PRKG1: variants seen among roughly 807,000 people sequenced by gnomAD.
The protein encoded by PRKG1 is cGMP-dependent protein kinase 1.
A neutral mutation model predicts 88.1 loss-of-function variants in PRKG1; 35 were observed. The observed-to-expected ratio is 0.40, with a 90% CI of 0.30 to 0.53. The LOEUF (loss-of-function observed/expected upper bound fraction) is 0.53. Ranked by LOEUF, PRKG1 falls within the 20% of genes least tolerant of loss-of-function variation. The pLI is 0.59. For synonymous variants in PRKG1, 303 were observed against 292.5 expected, an observed-to-expected ratio of 1.04 and a Z score of -0.37; for missense variants, 540 against 839.8, an observed-to-expected ratio of 0.64 and a Z score of 4.41.
chr10:52,157,188 TA>T (rs1175739536), intron 8 of PRKG1, among the ~76,000 whole-genome samples: 3 of 149,808 alleles, frequency 2.0e-5, no homozygotes, highest in Admixed American at 6.7e-5. Flanking sequence ...TCATGAGAAT[TA>T]AATCAACTAA....
At chr10:51,186,229 C>T (rs945093522) in intron 2 of PRKG1, among the ~76,000 whole-genome samples, 2 of 151,572 alleles carry the variant, frequency 1.3e-5, no homozygotes, top group Non-Finnish European at 2.9e-5. Flanking sequence ...TTATATTTAT[C>T]ATTTTCTCTC....
At chr10:51,784,861 T>C (rs1564645705) in intron 3 of PRKG1, among the ~76,000 whole-genome samples, 1 of 152,150 alleles carries the variant, frequency 6.6e-6, no homozygotes, top group Non-Finnish European at 1.5e-5. Context: ...TTTTTGCCTC[T>C]CATCTTTCCT....
chr10:51,861,077 A>T (rs78015324), intron 4 of PRKG1, among the ~76,000 whole-genome samples: 41 of 148,366 alleles, frequency 2.8e-4, no homozygotes, highest in Non-Finnish European at 5.8e-4. Context: ...TTTATGAGAT[A>T]AAAAAAAAGT....
intron 7 of PRKG1, among the ~76,000 whole-genome samples, chr10:52,075,453 GAAAA>G (rs896269388): frequency 6.6e-6 from 1 of 151,978 alleles, no homozygotes; most frequent in Non-Finnish European, 1.5e-5. Context: ...GAACAATTTA[GAAAA>G]AAAGAAAGTT....
intron 3 of PRKG1, among the ~76,000 whole-genome samples, chr10:51,614,120 G>A (rs1279563094): frequency 6.6e-6 from 1 of 151,752 alleles, no homozygotes; most frequent in Non-Finnish European, 1.5e-5. Context: ...CTGTATTAGA[G>A]TCTCTTTCTT....
chr10:51,486,253 C>T (rs1346734655), intron 3 of PRKG1, among the ~76,000 whole-genome samples: 1 of 152,048 alleles, frequency 6.6e-6, no homozygotes, highest in Admixed American at 6.6e-5. Flanking sequence ...CCCCCTTTCC[C>T]CCATCCCCTG....
Position 51,032,468 on chromosome 10 carries a change from T to C in PRKG1, c.266+40824T>C, listed in dbSNP as rs144725556. On this transcript the variant is annotated intron_variant, in intron 1 of 17. Coordinates refer to the PRKG1 transcript ENST00000401604. Reference sequence around the variant, plus strand: ...ATGTGTTCAATGTAATATACAAATATTATTTTGGTGCCAGCCATGGTGGCT... The same window carrying C: ...ATGTGTTCAATGTAATATACAAATACTATTTTGGTGCCAGCCATGGTGGCT... Among the ~76,000 whole-genome samples, 370 of 152,212 alleles carry C rather than the reference T, an allele frequency of 2.4e-3. 2 individuals are homozygous for C. Among genetic ancestry groups the C allele is most frequent in the African/African-American group, 8.7e-3 (361 of 41,524 alleles).
chr10:51,279,658 T>C (rs1324169286), intron 2 of PRKG1, among the ~76,000 whole-genome samples: 1 of 152,230 alleles, frequency 6.6e-6, no homozygotes, highest in Non-Finnish European at 1.5e-5. Flanking sequence ...TTTTGATCTT[T>C]GTTGGTTTAC....
intron 7 of PRKG1, among the ~76,000 whole-genome samples, chr10:52,113,166 T>C (rs756920502): frequency 4.6e-5 from 7 of 152,240 alleles, no homozygotes; most frequent in Non-Finnish European, 8.8e-5. Context: ...GATCACTCAG[T>C]ACATATTACT....
intron 3 of PRKG1, among the ~76,000 whole-genome samples, chr10:51,487,123 A>G (rs1840569393): frequency 6.6e-6 from 1 of 152,174 alleles, no homozygotes; most frequent in Non-Finnish European, 1.5e-5. Flanking sequence ...CGTAAACCTT[A>G]TAAATACTGC....
chr10:51,185,019 T>C (rs1231086847), intron 2 of PRKG1, among the ~76,000 whole-genome samples: 1 of 152,186 alleles, frequency 6.6e-6, no homozygotes, highest in African/African-American at 2.4e-5. Context: ...ACAGCCACTA[T>C]CCTCTAAAAT....
chr10:51,107,883 A>G (rs1292809051), intron 1 of PRKG1, among the ~76,000 whole-genome samples: 1 of 151,898 alleles, frequency 6.6e-6, no homozygotes, highest in Non-Finnish European at 1.5e-5. Context: ...GAGAAGACAC[A>G]CAATATCAAT....
intron 5 of PRKG1, among the ~76,000 whole-genome samples, chr10:52,012,389 C>T (rs1443815724): frequency 6.6e-6 from 1 of 151,852 alleles, no homozygotes; most frequent in Non-Finnish European, 1.5e-5. Flanking sequence ...CTACAGGTGC[C>T]CACCACCACT....
intron 4 of PRKG1, among the ~76,000 whole-genome samples, chr10:51,827,048 G>A (rs1364534399): frequency 6.6e-6 from 1 of 152,116 alleles, no homozygotes; most frequent in Non-Finnish European, 1.5e-5. Context: ...GATGACTGAT[G>A]AATTATTTTA....
intron 4 of PRKG1, among the ~76,000 whole-genome samples, chr10:51,906,633 AGACCAAGGTTC>A (rs747098312): frequency 4.4e-4 from 67 of 152,154 alleles, no homozygotes; most frequent in Non-Finnish European, 8.1e-4. Context: ...GGGGTTGTGG[AGACCAAGGTTC>A]TTATTATGCA....
At chr10:51,840,057 A>G (rs1162688860) in intron 4 of PRKG1, among the ~76,000 whole-genome samples, 2 of 152,240 alleles carry the variant, frequency 1.3e-5, no homozygotes, top group Non-Finnish European at 2.9e-5. Flanking sequence ...TGCCAAATGC[A>G]GGTGGCAGAC....
intron 10 of PRKG1, among the ~76,000 whole-genome samples, chr10:52,268,481 T>G (rs1158808504): frequency 6.6e-6 from 1 of 152,000 alleles, no homozygotes; most frequent in Admixed American, 6.6e-5. Flanking sequence ...CCTAGGAAAA[T>G]GTCAGTGAGG....
At chr10:51,937,003 C>T (rs1842812639) in intron 5 of PRKG1, among the ~76,000 whole-genome samples, 1 of 151,912 alleles carries the variant, frequency 6.6e-6, no homozygotes, top group Non-Finnish European at 1.5e-5. Flanking sequence ...CATAATGATT[C>T]ACAGAAATTC....
At chr10:51,257,580 A>T (rs1310111407) in intron 2 of PRKG1, among the ~76,000 whole-genome samples, 2 of 152,140 alleles carry the variant, frequency 1.3e-5, no homozygotes, top group African/African-American at 4.8e-5. Flanking sequence ...AGGGTTAGGG[A>T]TTTCTAACTC....
Sources: allele counts gnomAD v4.1 joint callset (sites outside exome capture counted in the v4.1 genomes callset), GRCh38; gene constraint gnomAD v4.1.1; transcripts MANE v1.5; gene names NCBI Gene and HGNC (gene_info 2026-07-23, HGNC 2026-07-21).